Variants in BMPR1B observed in about 807,000 individuals in gnomAD.
BMPR1B encodes the protein bone morphogenetic protein receptor type-1B.
Under a neutral mutation model 59.1 loss-of-function variants are expected in BMPR1B, and 12 were observed. That is an observed-to-expected ratio of 0.20 (90% CI 0.13 to 0.33). The LOEUF is 0.33. BMPR1B is among the 10% of genes least tolerant of loss of function. The pLI, the probability that BMPR1B is intolerant of heterozygous loss-of-function variation, is 1.00. For synonymous variants in BMPR1B, 237 were observed against 207.3 expected, an observed-to-expected ratio of 1.14 and a Z score of -1.23; for missense variants, 550 against 610.9, an observed-to-expected ratio of 0.90 and a Z score of 1.05.
intron 2 of BMPR1B, among the ~76,000 whole-genome samples, chr4:94,914,566 G>A (rs1214510272): frequency 6.6e-6 from 1 of 152,118 alleles, no homozygotes. Context: ...AAGAATTACG[G>A]ATTCTGAGGG....
At chr4:94,948,605 G>A (rs1194333107) in intron 2 of BMPR1B, among the ~76,000 whole-genome samples, 1 of 152,154 alleles carries the variant, frequency 6.6e-6, no homozygotes, top group African/African-American at 2.4e-5. Context: ...TTTTGAGGAG[G>A]TCAGGTCCTT....
At position 95,152,851 on chromosome 4, in the gene BMPR1B, G is replaced by A. The variant is rs956220890; in HGVS notation, c.1383+78G>A. Reference sequence around the variant, plus strand: ...TTTTTTAGCTAAAATTCCACATATTGATTGTAGGAATTCTTCTTTTTTTGA... The same window carrying A: ...TTTTTTAGCTAAAATTCCACATATTAATTGTAGGAATTCTTCTTTTTTTGA... On this transcript the variant is annotated intron_variant, in intron 12 of 12. Coordinates refer to ENST00000515059, the MANE Select transcript of BMPR1B (RefSeq NM_001203.3). The A allele has an allele frequency of 3.2e-6, 5 of 1,540,636 alleles. No homozygotes were observed. The African/African-American group carries it at 6.8e-5, about 21-fold the overall frequency.
chr4:94,965,777 A>T (rs115192438), intron 2 of BMPR1B, among the ~76,000 whole-genome samples: 1 of 152,072 alleles, frequency 6.6e-6, no homozygotes, highest in African/African-American at 2.4e-5. Context: ...TGTGTGTGAG[A>T]GTGTATGTGT....
At chr4:95,153,332 A>G (rs1403253125) in intron 12 of BMPR1B, among the ~76,000 whole-genome samples, 1 of 152,128 alleles carries the variant, frequency 6.6e-6, no homozygotes, top group Non-Finnish European at 1.5e-5. Flanking sequence ...CTAGTAAGGA[A>G]GAAATGAGTC....
chr4:95,045,281 A>T (rs1365439208), intron 3 of BMPR1B, among the ~76,000 whole-genome samples: 1 of 152,236 alleles, frequency 6.6e-6, no homozygotes, highest in Non-Finnish European at 1.5e-5. Context: ...AAACTTTATT[A>T]GTTTCCCTTG....
chr4:94,780,977 C>T (rs182462957), intron 1 of BMPR1B, among the ~76,000 whole-genome samples: 9 of 152,110 alleles, frequency 5.9e-5, no homozygotes, highest in South Asian at 2.1e-4. Context: ...TGTGAGTCAC[C>T]GCAGCCGGCC....
intron 3 of BMPR1B, among the ~76,000 whole-genome samples, chr4:95,011,011 A>C: frequency 6.6e-6 from 1 of 152,106 alleles, no homozygotes; most frequent in Non-Finnish European, 1.5e-5. Flanking sequence ...TTTTTTTGTG[A>C]AAAACCTTTA....
chr4:95,154,228 G>A (rs1735253905), intron 12 of BMPR1B, among the ~76,000 whole-genome samples: 1 of 152,178 alleles, frequency 6.6e-6, no homozygotes, highest in Non-Finnish European at 1.5e-5. Context: ...AACTTATCAA[G>A]TGTTATAAAC....
chr4:94,829,218 C>T (rs1237244280), intron 1 of BMPR1B, among the ~76,000 whole-genome samples: 8 of 151,946 alleles, frequency 5.3e-5, no homozygotes, highest in Admixed American at 2.0e-4. Context: ...CACAGGGAGG[C>T]GTGCTTTTAT....
intron 1 of BMPR1B, among the ~76,000 whole-genome samples, chr4:94,794,017 G>T (rs912892334): frequency 8.0e-5 from 12 of 150,272 alleles, no homozygotes; most frequent in Admixed American, 1.3e-4. Context: ...AAGCTCTTTA[G>T]TTTAATTAGA....
chr4:94,766,879 A>C (rs1181771877), intron 1 of BMPR1B, among the ~76,000 whole-genome samples: 1 of 152,146 alleles, frequency 6.6e-6, no homozygotes, highest in Admixed American at 6.6e-5. Flanking sequence ...ATTTCAAAAG[A>C]GCTTCCTTCC....
At chr4:94,826,390 C>A (rs900033528) in intron 1 of BMPR1B, among the ~76,000 whole-genome samples, 1 of 143,912 alleles carries the variant, frequency 6.9e-6, no homozygotes, top group Non-Finnish European at 1.5e-5. Flanking sequence ...AAAGCTCACT[C>A]GGGCTGGACT....
chr4:95,051,806 A>G (rs1478414978), intron 3 of BMPR1B: 21 of 1,528,598 alleles, frequency 1.4e-5, no homozygotes, highest in Non-Finnish European at 1.8e-5. Context: ...TACAGTGCTG[A>G]TGGGGCTGAG....
rs143582476 is a variant in BMPR1B, at chr4:94,979,281, C to T, written c.-112-16759C>T. ...CATACTTCTTTGTATCCAGTCTTTA[C>T]AGGTCAACTCCAAAGTTAATAGACT... On this transcript the variant is annotated intron_variant, in intron 2 of 12. Coordinates refer to ENST00000515059, the MANE Select transcript of BMPR1B (RefSeq NM_001203.3). Among the ~76,000 whole-genome samples the T allele has an allele frequency of 2.9e-3, 438 of 152,252 alleles. 1 individual carries two copies. Among genetic ancestry groups the T allele is most frequent in the African/African-American group, 9.7e-3 (404 of 41,546 alleles).
intron 1 of BMPR1B, among the ~76,000 whole-genome samples, chr4:94,831,604 AT>A (rs1724593406): frequency 6.6e-6 from 1 of 151,994 alleles, no homozygotes; most frequent in East Asian, 1.9e-4. Flanking sequence ...TTTTGCCTTT[AT>A]ATTTATTTTT....
intron 1 of BMPR1B, among the ~76,000 whole-genome samples, chr4:94,846,845 CAAAA>C (rs58369445): frequency 0.63 from 92,988 of 148,096 alleles, 29,542 homozygotes; most frequent in African/African-American, 0.79. Flanking sequence ...TGAAACTACT[CAAAA>C]AAAAAAAACG....
At chr4:94,961,463 A>T (rs1369164055) in intron 2 of BMPR1B, among the ~76,000 whole-genome samples, 1 of 152,054 alleles carries the variant, frequency 6.6e-6, no homozygotes, top group Non-Finnish European at 1.5e-5. Flanking sequence ...CTCTTTTATC[A>T]TTCTTTTTTT....
rs541097983 is a variant in BMPR1B at position 95,032,417 on chromosome 4, C to T, written c.-18+36283C>T. ...ACCAAATTGCTTCCCAAAGGCCCCA[C>T]CTCTAAATACTGTAACACGGGAAGT... On this transcript the variant is annotated intron_variant, in intron 3 of 12. Transcript: ENST00000515059. 2.0e-3 allele frequency among the ~76,000 whole-genome samples: 310 copies of T among 152,250 alleles called. 1 individual carries two copies. Among genetic ancestry groups the T allele is most frequent in the African/African-American group, 7.2e-3 (301 of 41,554 alleles).
At chr4:95,077,734 GT>G (rs1728820840) in intron 3 of BMPR1B, among the ~76,000 whole-genome samples, 1 of 152,146 alleles carries the variant, frequency 6.6e-6, no homozygotes, top group African/African-American at 2.4e-5. Context: ...ATGTATGCCA[GT>G]TTTAAAACCT....
Sources: allele counts gnomAD v4.1 joint callset (sites outside exome capture counted in the v4.1 genomes callset), GRCh38; gene constraint gnomAD v4.1.1; transcripts MANE v1.5; gene names NCBI Gene and HGNC (gene_info 2026-07-23, HGNC 2026-07-21).